The following GALNTL6 variants were observed in gnomAD, a reference collection of about 807,000 sequenced individuals.
The protein encoded by GALNTL6 is polypeptide N-acetylgalactosaminyltransferase like 6.
In GALNTL6, 46 loss-of-function variants were observed where a neutral mutation model predicts 73.7. The observed-to-expected ratio is 0.62, with a 90% CI of 0.49 to 0.80. The LOEUF is 0.80. GALNTL6 is among the 30% of genes least tolerant of loss of function. The pLI, the probability that GALNTL6 is intolerant of heterozygous loss-of-function variation, is 0.00. For synonymous variants in GALNTL6, 259 were observed against 263.7 expected, an observed-to-expected ratio of 0.98 and a Z score of 0.17; for missense variants, 604 against 755.0, an observed-to-expected ratio of 0.80 and a Z score of 2.34.
At chr4:172,840,930 A>C (rs1300243947) in intron 7 of GALNTL6, among the ~76,000 whole-genome samples, 3 of 152,192 alleles carry the variant, frequency 2.0e-5, no homozygotes, top group African/African-American at 7.2e-5. Flanking sequence ...GATTAAAGGC[A>C]TGAGCATTTA....
intron 7 of GALNTL6, among the ~76,000 whole-genome samples, chr4:172,846,823 A>T (rs1402488965): frequency 6.6e-6 from 1 of 152,230 alleles, no homozygotes; most frequent in African/African-American, 2.4e-5. Context: ...GATAAATTTA[A>T]TCTCAAATAT....
rs115785646 is a variant in GALNTL6, at chr4:171,915,762, G to A, written c.138+101044G>A. Reference sequence around the variant, plus strand: ...ACAAGTAAATTATTTTTTCACAGCTGAAATTTTAAGGGTCAGAAAGCCTCA... The same window carrying A: ...ACAAGTAAATTATTTTTTCACAGCTAAAATTTTAAGGGTCAGAAAGCCTCA... On this transcript the variant is annotated intron_variant, in intron 2 of 12. Coordinates refer to ENST00000506823, the MANE Select transcript of GALNTL6 (RefSeq NM_001034845.3). 8.4e-3 allele frequency among the ~76,000 whole-genome samples: 1,285 copies of A among 152,136 alleles called. 25 individuals carry two copies. Among genetic ancestry groups the A allele is most frequent in the African/African-American group, 0.029 (1,216 of 41,540 alleles).
At chr4:172,297,821 A>T (rs1739741084) in intron 3 of GALNTL6, among the ~76,000 whole-genome samples, 2 of 151,958 alleles carry the variant, frequency 1.3e-5, no homozygotes. Context: ...CTTAGGATTG[A>T]CTTGGCAATG....
At chr4:172,711,018 A>G (rs1440094669) in intron 5 of GALNTL6, among the ~76,000 whole-genome samples, 1 of 152,160 alleles carries the variant, frequency 6.6e-6, no homozygotes, top group Non-Finnish European at 1.5e-5. Context: ...TGAGCCTGCA[A>G]CCTAGAGAGA....
chr4:171,859,108 A>G (rs1735764481), intron 2 of GALNTL6, among the ~76,000 whole-genome samples: 1 of 152,146 alleles, frequency 6.6e-6, no homozygotes. Flanking sequence ...TCAATGTCAA[A>G]TGATCTTCAA....
chr4:172,485,021 A>G (rs1733619973), intron 5 of GALNTL6, among the ~76,000 whole-genome samples: 1 of 152,166 alleles, frequency 6.6e-6, no homozygotes, highest in South Asian at 2.1e-4. Flanking sequence ...TATAGAATTG[A>G]TTTTATTTCA....
In GALNTL6 at chr4:172,483,045, G is replaced by A. The variant is rs185896482; in HGVS notation, c.553+134356G>A. ...GAAGCATTCAAAGGAGAGGACAATT[G>A]AAAAATTGCAAATATTACATATGTG... On this transcript the variant is annotated intron_variant, in intron 5 of 12. Transcript: ENST00000506823. Among the ~76,000 whole-genome samples, 438 of 152,132 alleles carry A rather than the reference G, an allele frequency of 2.9e-3. 1 individual carries two copies. Among genetic ancestry groups the A allele is most frequent in the Non-Finnish European group, 3.6e-3 (243 of 68,004 alleles).
intron 5 of GALNTL6, among the ~76,000 whole-genome samples, chr4:172,644,975 T>C (rs1740171641): frequency 6.6e-6 from 1 of 152,040 alleles, no homozygotes; most frequent in Admixed American, 6.6e-5. Flanking sequence ...TTCATATGCA[T>C]AATGAATGTT....
chr4:172,090,150 A>G (rs781221063), intron 2 of GALNTL6, among the ~76,000 whole-genome samples: 8 of 152,138 alleles, frequency 5.3e-5, no homozygotes, highest in Non-Finnish European at 8.8e-5. Flanking sequence ...GAACGGTGCC[A>G]CAATAAACAT....
At chr4:172,898,766 C>T (rs921044194) in intron 8 of GALNTL6, among the ~76,000 whole-genome samples, 2 of 152,142 alleles carry the variant, frequency 1.3e-5, no homozygotes, top group African/African-American at 2.4e-5. Flanking sequence ...GAGAACATCC[C>T]TCATATTATC....
At chr4:172,904,026 A>G (rs1746757342) in intron 8 of GALNTL6, among the ~76,000 whole-genome samples, 1 of 152,124 alleles carries the variant, frequency 6.6e-6, no homozygotes, top group South Asian at 2.1e-4. Context: ...TTAACAACTT[A>G]ATCCTTCCAA....
chr4:172,808,273 G>A (rs1579508970), intron 5 of GALNTL6, among the ~76,000 whole-genome samples: 2 of 152,196 alleles, frequency 1.3e-5, no homozygotes, highest in South Asian at 2.1e-4. Context: ...CTCTGTGCAC[G>A]GAGAAACTCC....
chr4:173,010,937 T>C (rs1047507354), intron 11 of GALNTL6, among the ~76,000 whole-genome samples: 3 of 152,116 alleles, frequency 2.0e-5, no homozygotes, highest in South Asian at 2.1e-4. Context: ...CTCCAAACTG[T>C]TCTCCATAGT....
intron 2 of GALNTL6, among the ~76,000 whole-genome samples, chr4:172,199,487 T>A (rs1735886268): frequency 6.6e-6 from 1 of 152,214 alleles, no homozygotes; most frequent in Admixed American, 6.5e-5. Flanking sequence ...ACCATTTGAC[T>A]TGTAATTAGT....
chr4:172,984,879 A>G (rs2126441718), intron 10 of GALNTL6, among the ~76,000 whole-genome samples: 1 of 152,342 alleles, frequency 6.6e-6, no homozygotes, highest in Middle Eastern at 3.4e-3. Flanking sequence ...TACTATAATA[A>G]TGAACATTTT....
Sources: gnomAD v4.1 joint callset for allele counts (sites outside exome capture counted in the v4.1 genomes callset) on GRCh38, gnomAD v4.1.1 for gene constraint, MANE v1.5 for transcripts, NCBI Gene and HGNC (gene_info 2026-07-23, HGNC 2026-07-21) for gene names.